KCNQ5: variants seen among roughly 807,000 people sequenced by gnomAD.
The protein encoded by KCNQ5 is potassium voltage-gated channel subfamily Q member 5.
In KCNQ5, 30 loss-of-function variants were observed where a neutral mutation model predicts 98.2. The ratio of observed to expected loss-of-function variants is 0.31; its 90% CI spans 0.23 to 0.41. KCNQ5 has a LOEUF of 0.41. Ranked by LOEUF, KCNQ5 falls within the 10% of genes least tolerant of loss-of-function variation. The pLI, the probability that KCNQ5 is intolerant of heterozygous loss-of-function variation, is 1.00. For synonymous variants in KCNQ5, 458 were observed against 449.4 expected, an observed-to-expected ratio of 1.02 and a Z score of -0.24; for missense variants, 835 against 1,182.5, an observed-to-expected ratio of 0.71 and a Z score of 4.31.
intron 2 of KCNQ5, among the ~76,000 whole-genome samples, chr6:73,020,347 C>T (rs117460007): frequency 0.011 from 1,618 of 152,274 alleles, 12 homozygotes; most frequent in Middle Eastern, 0.082. Context: ...CAGGGAAACA[C>T]TTATTTCATT....
At chr6:72,963,949 C>G (rs1412374087) in intron 1 of KCNQ5, among the ~76,000 whole-genome samples, 1 of 152,188 alleles carries the variant, frequency 6.6e-6, no homozygotes. Context: ...CCAACTCACT[C>G]AGTCCACAGA....
chr6:72,865,010 T>C (rs1777922744), intron 1 of KCNQ5, among the ~76,000 whole-genome samples: 1 of 152,190 alleles, frequency 6.6e-6, no homozygotes, highest in Admixed American at 6.5e-5. Flanking sequence ...AGGAAACACT[T>C]GTTGAGAACC....
intron 5 of KCNQ5, among the ~76,000 whole-genome samples, chr6:73,093,860 G>A (rs1475827460): frequency 6.6e-6 from 1 of 151,924 alleles, no homozygotes; most frequent in Non-Finnish European, 1.5e-5. Context: ...TCCATGCACT[G>A]AATAGAATGT....
In KCNQ5 at chr6:73,109,394, A is replaced by T. The variant is rs59401412; in HGVS notation, c.1030-1914A>T. Among the ~76,000 whole-genome samples, 132 of 152,318 alleles carry T rather than the reference A, an allele frequency of 8.7e-4. No individual in the cohort carries two copies. In the East Asian group the frequency reaches 0.023, roughly 27 times the overall value. On this transcript the variant is annotated intron_variant, in intron 6 of 13. Coordinates refer to ENST00000370398, the MANE Select transcript of KCNQ5 (RefSeq NM_019842.4). The stretch of plus-strand genomic sequence containing the variant: ...GTCTGCAAAATCTAAATTATGCTCC[A>T]TACAAGTGGATTATACACATATATG...
intron 1 of KCNQ5, among the ~76,000 whole-genome samples, chr6:72,977,202 G>T (rs1768196596): frequency 2.6e-5 from 4 of 152,300 alleles, no homozygotes; most frequent in South Asian, 4.1e-4. Flanking sequence ...AATACTAGAG[G>T]AGAAGTAGTG....
At chr6:72,825,778 C>T (rs1775967030) in intron 1 of KCNQ5, among the ~76,000 whole-genome samples, 1 of 152,060 alleles carries the variant, frequency 6.6e-6, no homozygotes, top group African/African-American at 2.4e-5. Context: ...CCCACACTAG[C>T]ACATGGGAGG....
At chr6:72,748,088 C>A (rs534207089) in intron 1 of KCNQ5, among the ~76,000 whole-genome samples, 1 of 152,092 alleles carries the variant, frequency 6.6e-6, no homozygotes, top group Middle Eastern at 3.4e-3. Context: ...TTGTGTAAGA[C>A]CAACCAGAAA....
At chr6:73,091,509 AAAAAG>A (rs1774246857) in intron 5 of KCNQ5, among the ~76,000 whole-genome samples, 1 of 152,080 alleles carries the variant, frequency 6.6e-6, no homozygotes, top group South Asian at 2.1e-4. Flanking sequence ...AAAGAAAAAG[AAAAAG>A]AAAAGGGTGT....
At chr6:72,655,409 T>C (rs1766138551) in intron 1 of KCNQ5, among the ~76,000 whole-genome samples, 1 of 152,044 alleles carries the variant, frequency 6.6e-6, no homozygotes, top group South Asian at 2.1e-4. Context: ...AATCTGTCCA[T>C]CACAGTGAGA....
At chr6:72,664,550 G>T (rs919797564) in intron 1 of KCNQ5, among the ~76,000 whole-genome samples, 1 of 152,158 alleles carries the variant, frequency 6.6e-6, no homozygotes, top group African/African-American at 2.4e-5. Flanking sequence ...AGCTACTCAG[G>T]AGGCTGAGGC....
chr6:72,975,372 A>G (rs1317335552), intron 1 of KCNQ5, among the ~76,000 whole-genome samples: 1 of 152,030 alleles, frequency 6.6e-6, no homozygotes, highest in African/African-American at 2.4e-5. Flanking sequence ...CTGTGAATAT[A>G]TTTTTGGAGA....
intron 1 of KCNQ5, among the ~76,000 whole-genome samples, chr6:72,917,542 G>A (rs1055452017): frequency 2.0e-5 from 3 of 151,058 alleles, no homozygotes; most frequent in South Asian, 2.1e-4. Flanking sequence ...GCATGATCTC[G>A]GCTCACTGCA....
At chr6:72,664,405 G>A (rs1300366940) in intron 1 of KCNQ5, among the ~76,000 whole-genome samples, 1 of 152,156 alleles carries the variant, frequency 6.6e-6, no homozygotes, top group Non-Finnish European at 1.5e-5. Flanking sequence ...TGTAATCCCA[G>A]CACGTTGGGA....
At chr6:73,032,483 G>A (rs995110590) in intron 2 of KCNQ5, among the ~76,000 whole-genome samples, 4 of 152,112 alleles carry the variant, frequency 2.6e-5, no homozygotes, top group African/African-American at 9.7e-5. Context: ...TAGTTCTTAA[G>A]AGGAAGAAAA....
chr6:73,020,061 T>G (rs1314685761), intron 2 of KCNQ5, among the ~76,000 whole-genome samples: 3 of 151,740 alleles, frequency 2.0e-5, no homozygotes, highest in African/African-American at 2.4e-5. Flanking sequence ...TGTGTGGGGG[T>G]TTTTCCCTAC....
intron 9 of KCNQ5, among the ~76,000 whole-genome samples, chr6:73,127,026 T>G (rs979869132): frequency 6.6e-6 from 1 of 152,192 alleles, no homozygotes; most frequent in African/African-American, 2.4e-5. Flanking sequence ...TTTAATATTA[T>G]GTAAGCTTTC....
intron 3 of KCNQ5, among the ~76,000 whole-genome samples, chr6:73,058,958 G>T (rs952583452): frequency 6.6e-6 from 1 of 152,216 alleles, no homozygotes; most frequent in African/African-American, 2.4e-5. Flanking sequence ...CTTATATACT[G>T]CTGGTGGGAA....
chr6:72,708,498 G>C (rs571565133), intron 1 of KCNQ5, among the ~76,000 whole-genome samples: 1 of 152,230 alleles, frequency 6.6e-6, no homozygotes, highest in East Asian at 1.9e-4. Flanking sequence ...AGCTACATTT[G>C]AGCTTATTAA....
At chr6:73,093,088 G>C (rs1374142887) in intron 5 of KCNQ5, among the ~76,000 whole-genome samples, 1 of 152,050 alleles carries the variant, frequency 6.6e-6, no homozygotes, top group Admixed American at 6.6e-5. Flanking sequence ...CTCATTACTT[G>C]TTATTGGTCA....
Sources: allele counts gnomAD v4.1 joint callset (sites outside exome capture counted in the v4.1 genomes callset), GRCh38; gene constraint gnomAD v4.1.1; transcripts MANE v1.5; gene names NCBI Gene and HGNC (gene_info 2026-07-23, HGNC 2026-07-21).